Variants in OTUD7B observed in about 807,000 individuals in gnomAD.
The protein encoded by OTUD7B is OTU domain-containing protein 7B.
In OTUD7B, 34 loss-of-function variants were observed where a neutral mutation model predicts 82.2. The ratio of observed to expected loss-of-function variants is 0.41; its 90% CI spans 0.31 to 0.55. OTUD7B has a LOEUF of 0.55. Among genes scored for constraint, OTUD7B ranks in the 20% least tolerant of loss-of-function variants. OTUD7B has a pLI of 0.20. For missense variants in OTUD7B, 944 were observed against 1,062.1 expected (o/e 0.89, Z 1.55); for synonymous variants, 398 against 402.7 (o/e 0.99, Z 0.14).
chr1:149,968,780 G>A (rs1452709853), intron 3 of OTUD7B, among the ~76,000 whole-genome samples: 2 of 152,058 alleles, frequency 1.3e-5, no homozygotes, highest in African/African-American at 2.4e-5. Context: ...CTGCAGTCTC[G>A]GCTCACTGCA....
At chr1:150,009,389 AG>A (rs1652877160) in intron 1 of OTUD7B, among the ~76,000 whole-genome samples, 2 of 152,224 alleles carry the variant, frequency 1.3e-5, no homozygotes, top group South Asian at 4.1e-4. Flanking sequence ...TGAAAGACAA[AG>A]GGATCCAGCC....
chr1:149,949,002 C>T lies in OTUD7B; in HGVS notation c.1205G>A (p.Gly402Asp), dbSNP rs1553772735. The stretch of plus-strand genomic sequence containing the variant: ...TCGGACATTGTCACTATCATCTTTG[C>T]CCCACTCCCAGCCCTTTCCAGGGTC... ...AVDPGKGWEW[G>D]KDDSDNVRLA... Residue 402 changes from glycine (G) to aspartate (D), a missense_variant, in exon 10 of 12, where the codon GGC becomes GAC. Gly to Asp is a moderately conservative substitution (Grantham distance 94). Coordinates refer to ENST00000581312, the MANE Select transcript of OTUD7B (RefSeq NM_020205.4). 6.2e-7 allele frequency: 1 copy of T among 1,613,488 alleles called. No individual in the cohort carries two copies. Among genetic ancestry groups the T allele is most frequent in the South Asian group, 1.1e-5 (1 of 91,066 alleles).
chr1:149,967,045 C>A (rs1186206377), intron 4 of OTUD7B, among the ~76,000 whole-genome samples: 1 of 152,082 alleles, frequency 6.6e-6, no homozygotes, highest in Non-Finnish European at 1.5e-5. Flanking sequence ...GTATTGATTT[C>A]GAGGTATTGA....
At chr1:150,019,936 A>G in the OTUD7B span, among the ~76,000 whole-genome samples, 1 of 151,764 alleles carries the variant, frequency 6.6e-6, no homozygotes, top group Non-Finnish European at 1.5e-5. Flanking sequence ...TAGGAGTTCA[A>G]GACCAACCTG....
At position 149,977,415 on chromosome 1, in the gene OTUD7B, C is replaced by A. The variant is rs1650397466; in HGVS notation, c.85+11G>T. 2 of 1,594,468 alleles carry A rather than the reference C, an allele frequency of 1.3e-6. No homozygotes were observed. The highest frequency in any genetic ancestry group is 1.7e-5 in the Admixed American group (1 of 59,984). On this transcript the variant is annotated intron_variant, in intron 2 of 11. Coordinates refer to ENST00000581312, the MANE Select transcript of OTUD7B (RefSeq NM_020205.4). Reference sequence around the variant, plus strand: ...CTTTCTCTTTTCTCATTCTCCCCTACAACTCCTCACCTTCTAGGAGATCTC... The same window carrying A: ...CTTTCTCTTTTCTCATTCTCCCCTAAAACTCCTCACCTTCTAGGAGATCTC...
Position 149,967,527 on chromosome 1 carries a change from A to G in OTUD7B, c.275-6T>C, listed in dbSNP as rs1553776912. On this transcript the variant is annotated splice_region_variant and splice_polypyrimidine_tract_variant and intron_variant, in intron 3 of 11. Coordinates refer to ENST00000581312, the MANE Select transcript of OTUD7B (RefSeq NM_020205.4). Reference sequence around the variant, plus strand: ...GCCCCTAGACAGGCGTTTTTCTGCAATGAGAAATGGAGTCACCTTAGAACA... The same window carrying G: ...GCCCCTAGACAGGCGTTTTTCTGCAGTGAGAAATGGAGTCACCTTAGAACA... 10 of 1,585,742 alleles carry G rather than the reference A, an allele frequency of 6.3e-6. No individual in the cohort carries two copies. Among genetic ancestry groups the G allele is most frequent in the African/African-American group, 1.3e-5 (1 of 74,282 alleles).
At chr1:149,981,513 T>C (rs1426138163) in intron 1 of OTUD7B, among the ~76,000 whole-genome samples, 1 of 152,258 alleles carries the variant, frequency 6.6e-6, no homozygotes, top group Non-Finnish European at 1.5e-5. Flanking sequence ...TAAAATCTAC[T>C]TCCCAAGGAT....
chr1:149,981,722 T>C (rs1170587249), intron 1 of OTUD7B, among the ~76,000 whole-genome samples: 4 of 152,232 alleles, frequency 2.6e-5, no homozygotes, highest in Admixed American at 6.5e-5. Context: ...ACAGGCTGAA[T>C]AAATTATGTT....
chr1:150,060,669 G>A, the OTUD7B span, among the ~76,000 whole-genome samples: 1 of 152,112 alleles, frequency 6.6e-6, no homozygotes, highest in Non-Finnish European at 1.5e-5. Flanking sequence ...CCAAAGCTGA[G>A]GCTGAAGGTT....
chr1:149,959,617 A>G (rs1648988359), intron 7 of OTUD7B, 67 bp downstream of exon 7: 1 of 930,948 alleles, frequency 1.1e-6, no homozygotes, highest in Non-Finnish European at 1.8e-6. Flanking sequence ...CTCTCTAGAC[A>G]CTGGGCTGTG....
the OTUD7B span, among the ~76,000 whole-genome samples, chr1:150,036,906 A>C: frequency 6.6e-6 from 1 of 152,208 alleles, no homozygotes; most frequent in Non-Finnish European, 1.5e-5. Context: ...CATTCTTAGA[A>C]TTGAATTATT....
chr1:150,054,349 T>C, the OTUD7B span: 3 of 527,084 alleles, frequency 5.7e-6, no homozygotes, highest in Admixed American at 5.9e-5. Context: ...AGAGGGTGAT[T>C]TTCCTGAAGC....
At chr1:149,991,779 T>C (rs1317199369) in intron 1 of OTUD7B, among the ~76,000 whole-genome samples, 1 of 152,208 alleles carries the variant, frequency 6.6e-6, no homozygotes, top group Non-Finnish European at 1.5e-5. Context: ...CAATTTTCCA[T>C]GGGATCTACT....
chr1:150,003,064 C>T (rs1652404966), intron 1 of OTUD7B, among the ~76,000 whole-genome samples: 1 of 151,986 alleles, frequency 6.6e-6, no homozygotes, highest in Non-Finnish European at 1.5e-5. Flanking sequence ...TCCTGGCTAA[C>T]ATGGTGAAAC....
At chr1:149,994,606 A>AAC (rs1447768451) in intron 1 of OTUD7B, among the ~76,000 whole-genome samples, 3,762 of 96,294 alleles carry the variant, frequency 0.039, 48 homozygotes, top group Non-Finnish European at 0.044. Context: ...AAAAAAAAAA[A>AAC]CCCAATTTTT....
chr1:150,033,150 A>G, the OTUD7B span, among the ~76,000 whole-genome samples: 1 of 152,318 alleles, frequency 6.6e-6, no homozygotes, highest in South Asian at 2.1e-4. Context: ...TCCTAAAAAT[A>G]AAAATGCTGG....
chr1:150,032,625 AT>A, the OTUD7B span, among the ~76,000 whole-genome samples: 1 of 104,336 alleles, frequency 9.6e-6, no homozygotes, highest in Non-Finnish European at 1.9e-5. Context: ...ACAGAGCAAA[AT>A]CCTGTTAAAA....
chr1:149,972,370 T>G (rs587605444), intron 2 of OTUD7B, among the ~76,000 whole-genome samples: 16 of 152,358 alleles, frequency 1.1e-4, no homozygotes, highest in South Asian at 1.0e-3. Flanking sequence ...CTGACCTTGC[T>G]GTTCCTAGAA....
intron 1 of OTUD7B, among the ~76,000 whole-genome samples, chr1:149,981,393 A>T (rs1419782432): frequency 6.6e-6 from 1 of 152,220 alleles, no homozygotes; most frequent in Non-Finnish European, 1.5e-5. Context: ...ATTACTGGAC[A>T]GCTTTAACTG....
Sources: allele counts gnomAD v4.1 joint callset (sites outside exome capture counted in the v4.1 genomes callset), GRCh38; gene constraint gnomAD v4.1.1; transcripts MANE v1.5; gene names NCBI Gene and HGNC (gene_info 2026-07-23, HGNC 2026-07-21).